Variants in PAK1 observed in about 807,000 individuals in gnomAD.
The protein encoded by PAK1 is serine/threonine-protein kinase PAK 1.
A neutral mutation model predicts 67.4 loss-of-function variants in PAK1; 29 were observed. The observed-to-expected ratio is 0.43, with a 90% CI of 0.32 to 0.59. The LOEUF (loss-of-function observed/expected upper bound fraction) is 0.59, where lower values mean the gene tolerates loss of function less well. PAK1 is among the 20% of genes least tolerant of loss of function. PAK1 has a pLI of 0.07. For synonymous variants in PAK1, 223 were observed against 237.4 expected (o/e 0.94, Z 0.56); for missense variants, 337 against 670.7 (o/e 0.50, Z 5.50).
chr11:77,337,277 G>A, intron 12 of PAK1, 47 bp downstream of exon 12: 1 of 940,882 alleles, frequency 1.1e-6, no homozygotes, highest in Non-Finnish European at 1.7e-6. Flanking sequence ...CAGGAGACAG[G>A]GCCCCACAGG....
At chr11:77,497,074 A>G in the PAK1 span, among the ~76,000 whole-genome samples, 1 of 152,200 alleles carries the variant, frequency 6.6e-6, no homozygotes, top group African/African-American at 2.4e-5. Flanking sequence ...TGCAAGGTCA[A>G]TGGAGCTTAT....
chr11:77,446,603 T>C (rs1298745804), intron 1 of PAK1, among the ~76,000 whole-genome samples: 4 of 151,680 alleles, frequency 2.6e-5, no homozygotes, highest in Non-Finnish European at 4.4e-5. Flanking sequence ...GAACATCTCA[T>C]TGAAAGGTCT....
chr11:77,365,851 A>G (rs1411934672), intron 5 of PAK1, among the ~76,000 whole-genome samples: 1 of 152,082 alleles, frequency 6.6e-6, no homozygotes, highest in African/African-American at 2.4e-5. Context: ...AAAAAGAAAA[A>G]AAAAAAAATA....
At chr11:77,373,773 T>G (rs776699138) in intron 5 of PAK1, among the ~76,000 whole-genome samples, 12 of 152,180 alleles carry the variant, frequency 7.9e-5, no homozygotes, top group Admixed American at 2.6e-4. Context: ...TGTCAAAGCA[T>G]TCATTACAAC....
intron 1 of PAK1, among the ~76,000 whole-genome samples, chr11:77,472,212 T>G (rs1481160417): frequency 6.6e-6 from 1 of 152,182 alleles, no homozygotes; most frequent in Non-Finnish European, 1.5e-5. Flanking sequence ...CATGAGCTCA[T>G]GTAGTTAAAG....
intron 1 of PAK1, among the ~76,000 whole-genome samples, chr11:77,425,428 A>T (rs1185848576): frequency 6.6e-6 from 1 of 152,226 alleles, no homozygotes; most frequent in Non-Finnish European, 1.5e-5. Flanking sequence ...AGCTGCATTT[A>T]TGTGGCAACT....
the PAK1 span, among the ~76,000 whole-genome samples, chr11:77,514,722 C>T: frequency 6.6e-6 from 1 of 152,164 alleles, no homozygotes; most frequent in East Asian, 1.9e-4. Context: ...GGGACTGTCT[C>T]GTTCATCAGT....
rs1488878779 is a variant in PAK1, at chr11:77,378,805, C to T, written c.439+436G>A. 3.9e-5 allele frequency among the ~76,000 whole-genome samples: 6 copies of T among 152,306 alleles called. No individual in the cohort carries two copies. The East Asian group carries it at 1.2e-3, about 29-fold the overall frequency. On this transcript the variant is annotated intron_variant, in intron 4 of 14. Coordinates refer to ENST00000356341, the MANE Select transcript of PAK1 (RefSeq NM_002576.5). ...GTTTTGCCACGTTGCCCAGACTGGTCTCGAACTCCTGACCTCAAGCGATCC... is the reference window on the plus strand; with the variant it reads ...GTTTTGCCACGTTGCCCAGACTGGTTTCGAACTCCTGACCTCAAGCGATCC...
chr11:77,399,168 CAGAT>C (rs1952249641), intron 1 of PAK1, among the ~76,000 whole-genome samples: 1 of 152,038 alleles, frequency 6.6e-6, no homozygotes, highest in African/African-American at 2.4e-5. Context: ...TGAAGGAAGA[CAGAT>C]AGATAGGTAG....
At chr11:77,474,154 T>G (rs888378782), upstream of PAK1, 3 of 151,464 alleles carry the variant, frequency 2.0e-5, no homozygotes, top group Admixed American at 6.6e-5. Context: ...TCCTCCCGCC[T>G]CCTCCTCCCC....
the PAK1 span, among the ~76,000 whole-genome samples, chr11:77,521,349 G>A: frequency 6.6e-6 from 1 of 152,124 alleles, no homozygotes; most frequent in South Asian, 2.1e-4. Context: ...GACCAACATG[G>A]AGAAACCCCA....
chr11:77,385,302 C>T (rs191942770), intron 2 of PAK1, among the ~76,000 whole-genome samples: 5 of 152,176 alleles, frequency 3.3e-5, no homozygotes, highest in African/African-American at 4.8e-5. Flanking sequence ...TGCTCATGTA[C>T]GTGAATACAG....
intron 1 of PAK1, among the ~76,000 whole-genome samples, chr11:77,394,769 C>T (rs1034725470): frequency 6.6e-6 from 1 of 152,060 alleles, no homozygotes; most frequent in African/African-American, 2.4e-5. Flanking sequence ...TGCTTGAACC[C>T]GGGAGGCAGA....
intron 1 of PAK1, among the ~76,000 whole-genome samples, chr11:77,472,622 G>A (rs113629757): frequency 0.02 from 3,088 of 152,240 alleles, 103 homozygotes; most frequent in African/African-American, 0.069. Context: ...AGAGAGATGA[G>A]GTATCTGTAC....
At chr11:77,368,810 C>T (rs1337590031) in intron 5 of PAK1, among the ~76,000 whole-genome samples, 1 of 152,126 alleles carries the variant, frequency 6.6e-6, no homozygotes, top group African/African-American at 2.4e-5. Flanking sequence ...GCACACAACA[C>T]CAAGCCCAGC....
intron 14 of PAK1, among the ~76,000 whole-genome samples, chr11:77,331,516 T>C (rs1034600794): frequency 2.3e-4 from 35 of 152,294 alleles, no homozygotes; most frequent in Non-Finnish European, 4.1e-4. Context: ...ACCATCATTC[T>C]CAGCAAACTA....
intron 14 of PAK1, among the ~76,000 whole-genome samples, chr11:77,325,767 ATAAC>A (rs1314961599): frequency 6.6e-6 from 1 of 152,252 alleles, no homozygotes; most frequent in Non-Finnish European, 1.5e-5. Flanking sequence ...CCCAGATCTC[ATAAC>A]TAATAGGCCA....
intron 1 of PAK1, among the ~76,000 whole-genome samples, chr11:77,399,858 CAAAAAAAAAA>C (rs34662738): frequency 4.7e-4 from 20 of 42,370 alleles, no homozygotes; most frequent in Middle Eastern, 0.062. Flanking sequence ...GACTCCGTCT[CAAAAAAAAAA>C]AAAAAAAAAA....
At chr11:77,438,459 A>C (rs548651409) in intron 1 of PAK1, among the ~76,000 whole-genome samples, 197 of 152,326 alleles carry the variant, frequency 1.3e-3, no homozygotes, top group African/African-American at 4.6e-3. Context: ...CCTCCAAAAC[A>C]GACAATGAGC....
Sources: allele counts gnomAD v4.1 joint callset (sites outside exome capture counted in the v4.1 genomes callset), GRCh38; gene constraint gnomAD v4.1.1; transcripts MANE v1.5; gene names NCBI Gene and HGNC (gene_info 2026-07-23, HGNC 2026-07-21).